Variants in CWH43 observed in about 807,000 individuals in gnomAD.
CWH43 encodes cell wall biogenesis 43 C-terminal homolog.
A neutral mutation model predicts 85.7 loss-of-function variants in CWH43; 91 were observed. That is an observed-to-expected ratio of 1.06 (90% CI 0.90 to 1.26). The LOEUF is 1.26. CWH43 is among the 50% of genes most tolerant of loss of function. The probability of loss-of-function intolerance (pLI) is 0.00; values close to 1 mark genes in which losing one functional copy is unlikely to be tolerated. For synonymous variants in CWH43, 323 were observed against 293.6 expected (o/e 1.10, Z -1.02); for missense variants, 869 against 839.2 (o/e 1.04, Z -0.44).
chr4:49,026,551 C>G (rs551558612), intron 9 of CWH43, among the ~76,000 whole-genome samples: 2 of 152,058 alleles, frequency 1.3e-5, no homozygotes, highest in African/African-American at 4.8e-5. Flanking sequence ...CCCACCCATC[C>G]CTCCAAGTCC....
intron 8 of CWH43, 95 bp downstream of exon 8, chr4:49,007,421 T>A: frequency 7.7e-7 from 1 of 1,303,856 alleles, no homozygotes; most frequent in Non-Finnish European, 1.0e-6. Context: ...GTATCCTTCA[T>A]CCTGTTTCAG....
intron 8 of CWH43, among the ~76,000 whole-genome samples, chr4:49,008,179 T>G (rs1393684347): frequency 6.6e-6 from 1 of 152,236 alleles, no homozygotes; most frequent in East Asian, 1.9e-4. Flanking sequence ...TGGTGTGAGA[T>G]GGTATCCCAT....
chr4:49,031,237 G>A (rs1482989268), intron 11 of CWH43: 4 of 324,614 alleles, frequency 1.2e-5, no homozygotes, highest in African/African-American at 2.1e-5. Context: ...TCCTCATGGA[G>A]CTTACCTTCC....
intron 9 of CWH43, among the ~76,000 whole-genome samples, chr4:49,018,167 G>A (rs1271664944): frequency 6.6e-6 from 1 of 152,062 alleles, no homozygotes. Flanking sequence ...GATCTCATGA[G>A]AACTCACTCT....
intron 13 of CWH43, among the ~76,000 whole-genome samples, chr4:49,043,462 T>G (rs1293727568): frequency 6.6e-6 from 1 of 152,230 alleles, no homozygotes; most frequent in Non-Finnish European, 1.5e-5. Context: ...GATTTTCATC[T>G]AATCCTCTCT....
rs1783192245 is a variant in CWH43, at chr4:49,007,322, A to C, written c.1182A>C (p.Lys394Asn). 2 of 1,590,604 alleles carry C rather than the reference A, an allele frequency of 1.3e-6. No individual in the cohort carries two copies. The highest frequency in any genetic ancestry group is 1.7e-6 in the Non-Finnish European group (2 of 1,171,712). Residue 394 changes from lysine to asparagine, a missense_variant, in exon 8 of 16, where the codon AAA (lysine) becomes AAC (asparagine). By Grantham distance (94) the Lys-to-Asn change is moderately conservative. This residue lies in a region of CWH43 where 577 missense variants were observed against 513.1 expected (regional missense o/e 1.12). Coordinates refer to ENST00000226432, the MANE Select transcript of CWH43 (RefSeq NM_025087.3). ...TCAGAAAGAGTGAAAAATACATGAAACTTTGTAAGTATAGTTTTACATTCT... is the reference window on the plus strand; with the variant it reads ...TCAGAAAGAGTGAAAAATACATGAACCTTTGTAAGTATAGTTTTACATTCT... The part of the protein sequence containing the change: ...VLFRKSEKYM[K>N]LFLWLLVGVG...
intron 5 of CWH43, 41 bp downstream of exon 5, chr4:48,994,861 T>C: frequency 2.6e-6 from 4 of 1,549,442 alleles, no homozygotes; most frequent in Non-Finnish European, 3.6e-6. Flanking sequence ...TCGGCAGTTA[T>C]GCCTGGAGGA....
chr4:49,035,645 C>G (rs192375272), intron 12 of CWH43, among the ~76,000 whole-genome samples: 33 of 152,268 alleles, frequency 2.2e-4, no homozygotes, highest in Non-Finnish European at 2.2e-4. Flanking sequence ...AAAATATTAA[C>G]AGATAAGAAA....
At chr4:49,046,028 T>C (rs1338509928) in intron 14 of CWH43, among the ~76,000 whole-genome samples, 2 of 152,160 alleles carry the variant, frequency 1.3e-5, no homozygotes, top group Non-Finnish European at 2.9e-5. Flanking sequence ...TCTCCCCCAT[T>C]GCTGGTAACC....
intron 13 of CWH43, among the ~76,000 whole-genome samples, chr4:49,040,975 T>C (rs1350153422): frequency 2.0e-5 from 3 of 152,236 alleles, no homozygotes; most frequent in Non-Finnish European, 4.4e-5. Flanking sequence ...TAGCCAGTTT[T>C]CCCAGCACCA....
rs956209101 is a variant in CWH43 at position 49,019,443 on chromosome 4, G to A, written c.1266+2115G>A. Among the ~76,000 whole-genome samples, 17 of 152,276 alleles carry A rather than the reference G, an allele frequency of 1.1e-4. No homozygotes were observed. The East Asian group carries it at 1.9e-3, about 17-fold the overall frequency. On this transcript the variant is annotated intron_variant, in intron 9 of 15. Transcript: ENST00000226432. ...AGGGTGACTGGCATGGCTGAAGCTCGGTGAAGAGTAGTAGAAGATGACGTG... is the reference window on the plus strand; with the variant it reads ...AGGGTGACTGGCATGGCTGAAGCTCAGTGAAGAGTAGTAGAAGATGACGTG...
rs35408755 is a variant in CWH43, at chr4:48,997,225, C to CTT, written c.714-1222_714-1221dup. On this transcript the variant is annotated intron_variant, in intron 5 of 15. Coordinates refer to ENST00000226432, the MANE Select transcript of CWH43 (RefSeq NM_025087.3). ...GACACTACACCTGGCTAACTTAAAA[C>CTT]TTTTTTTTTTTTTTGTAGAGGCAAG... Among the ~76,000 whole-genome samples the CTT allele has an allele frequency of 4.1e-3, 591 of 145,188 alleles. 3 individuals are homozygous for CTT. Among genetic ancestry groups the CTT allele is most frequent in the African/African-American group, 0.01 (415 of 39,524 alleles).
intron 1 of CWH43, 31 bp downstream of exon 1, chr4:48,986,503 G>C: frequency 6.4e-7 from 1 of 1,551,110 alleles, no homozygotes; most frequent in South Asian, 1.2e-5. Flanking sequence ...GCGAGTTCGC[G>C]GGTGCCAGCT....
chr4:49,032,661 T>C lies in CWH43; in HGVS notation c.1604T>C (p.Val535Ala). 6.2e-7 allele frequency: 1 copy of C among 1,614,122 alleles called. No individual in the cohort carries two copies. The highest frequency in any genetic ancestry group is 8.5e-7 in the Non-Finnish European group (1 of 1,179,954). ...GEIAPAITLT[V>A]NISGKLVDFV... ...ATCGCACCAGCCATCACATTGACCG[T>C]TAACATTTCGGGCAAGCTGGTGGAT... Residue 535 changes from valine to alanine, a missense_variant, in exon 12 of 16, where the codon GTT becomes GCT. Val to Ala is a moderately conservative substitution (Grantham distance 64). This residue lies in a region of CWH43 where 577 missense variants were observed against 513.1 expected (regional missense o/e 1.12). Transcript: ENST00000226432.
intron 15 of CWH43, 148 bp from the exon 16 acceptor site, chr4:49,061,664 A>C (rs931226753): frequency 6.5e-6 from 4 of 618,866 alleles, no homozygotes; most frequent in Non-Finnish European, 9.1e-6. Context: ...TGGGGGTTAA[A>C]ATTTTAGTTT....
chr4:49,025,098 G>A (rs1408549709), intron 9 of CWH43, among the ~76,000 whole-genome samples: 4 of 151,702 alleles, frequency 2.6e-5, no homozygotes, highest in African/African-American at 9.7e-5. Context: ...CAAAAGCCTT[G>A]TCTTCAACCT....
At chr4:49,054,593 T>C (rs1784896104) in intron 15 of CWH43, among the ~76,000 whole-genome samples, 1 of 152,172 alleles carries the variant, frequency 6.6e-6, no homozygotes, top group African/African-American at 2.4e-5. Flanking sequence ...CAGATTGCTT[T>C]TGGTAGTATG....
Position 49,061,926 on chromosome 4 carries a change from C to T in CWH43, c.*36C>T, listed in dbSNP as rs542209624. 2 of 1,281,558 alleles carry T rather than the reference C, an allele frequency of 1.6e-6. No homozygotes were observed. Among genetic ancestry groups the T allele is most frequent in the South Asian group, 1.7e-5 (1 of 57,214 alleles). 79.4% of individuals were successfully genotyped at this position (1,281,558 alleles called of 1,614,324 possible). A position where few individuals can be genotyped will look rare whatever the true frequency, so the allele number is the denominator to read the frequency against. On this transcript the variant is annotated 3_prime_UTR_variant, in exon 16 of 16. Transcript: ENST00000226432. ...ACAAGAAGTTATTGGCTGGGAAAAT[C>T]TAAGAAAAAAAGTATGTAAGATAAA...
At chr4:49,059,183 T>C (rs1412234343) in intron 15 of CWH43, among the ~76,000 whole-genome samples, 1 of 152,220 alleles carries the variant, frequency 6.6e-6, no homozygotes, top group African/African-American at 2.4e-5. Context: ...TGGGTAATTT[T>C]GAATGACCAG....
Sources: gnomAD v4.1 joint callset for allele counts (sites outside exome capture counted in the v4.1 genomes callset) on GRCh38, gnomAD v4.1.1 for gene constraint, gnomAD v4.1.1 regional missense constraint, MANE v1.5 for transcripts, NCBI Gene and HGNC (gene_info 2026-07-23, HGNC 2026-07-21) for gene names.